Variants in CFAP61 observed in about 807,000 individuals in gnomAD.
CFAP61 encodes cilia- and flagella-associated protein 61.
Under a neutral mutation model 135.6 loss-of-function variants are expected in CFAP61, and 107 were observed. That is an observed-to-expected ratio of 0.79 (90% CI 0.67 to 0.93). CFAP61 has a LOEUF of 0.93. CFAP61 is among the 40% of genes least tolerant of loss of function. The pLI is 0.00. For missense variants in CFAP61, 1,507 were observed against 1,556.2 expected (o/e 0.97, Z 0.53); for synonymous variants, 575 against 578.5 (o/e 0.99, Z 0.09).
intron 25 of CFAP61, among the ~76,000 whole-genome samples, chr20:20,320,135 G>A (rs2057367980): frequency 6.6e-6 from 1 of 151,194 alleles, no homozygotes; most frequent in African/African-American, 2.4e-5. Context: ...TTGCAATGGA[G>A]GGGGGCCTAT....
chr20:20,062,983 C>T (rs1244632366), intron 2 of CFAP61, among the ~76,000 whole-genome samples: 1 of 152,054 alleles, frequency 6.6e-6, no homozygotes, highest in East Asian at 1.9e-4. Flanking sequence ...GGATTGGGGA[C>T]CTGTATAAAA....
chr20:20,197,207 C>T (rs2056350078), intron 16 of CFAP61, among the ~76,000 whole-genome samples: 1 of 152,142 alleles, frequency 6.6e-6, no homozygotes, highest in African/African-American at 2.4e-5. Context: ...TCCCAGCATT[C>T]CAAATAAGCA....
intron 17 of CFAP61, among the ~76,000 whole-genome samples, chr20:20,203,630 A>G (rs1472190053): frequency 6.6e-6 from 1 of 152,184 alleles, no homozygotes; most frequent in Non-Finnish European, 1.5e-5. Flanking sequence ...GAGTATTATG[A>G]TCAGGAAAAC....
At chr20:20,291,141 T>C (rs187046527) in intron 24 of CFAP61, among the ~76,000 whole-genome samples, 1 of 152,214 alleles carries the variant, frequency 6.6e-6, no homozygotes, top group African/African-American at 2.4e-5. Flanking sequence ...TTCTTACAAT[T>C]AATAAACCTA....
At chr20:20,067,978 A>G (rs1435221320) in intron 2 of CFAP61, among the ~76,000 whole-genome samples, 1 of 152,060 alleles carries the variant, frequency 6.6e-6, no homozygotes, top group Non-Finnish European at 1.5e-5. Context: ...GCATTTTCCC[A>G]TTGAAACAAA....
intron 18 of CFAP61, among the ~76,000 whole-genome samples, chr20:20,240,089 C>A (rs1396142072): frequency 6.6e-6 from 1 of 152,046 alleles, no homozygotes; most frequent in African/African-American, 2.4e-5. Context: ...TGGGATGAGG[C>A]GACCAAGAGC....
intron 13 of CFAP61, among the ~76,000 whole-genome samples, chr20:20,184,046 A>G (rs1159319455): frequency 6.6e-6 from 1 of 152,244 alleles, no homozygotes; most frequent in African/African-American, 2.4e-5. Context: ...CTTTGCAGGA[A>G]GATAACCCCA....
rs1440817874 is a variant in CFAP61, at chr20:20,214,454, A to G, written c.1933-13795A>G. On this transcript the variant is annotated intron_variant, in intron 17 of 26. Transcript: ENST00000245957. ...GGCCAGGCTCCAAAATTCTCCCTCC[A>G]TGACTTGGAACGAGCAATACGTATG... 3 of 152,270 alleles carry G rather than the reference A, an allele frequency of 2.0e-5. No homozygotes were observed. In the East Asian group the frequency reaches 5.8e-4, roughly 30 times the overall value. 9.4% of individuals were successfully genotyped at this position (152,270 alleles called of 1,614,324 possible).
At chr20:20,089,153 A>AT (rs113444281) in intron 6 of CFAP61, among the ~76,000 whole-genome samples, 7,131 of 152,244 alleles carry the variant, frequency 0.047, 555 homozygotes, top group African/African-American at 0.16. Flanking sequence ...ATAAAGGAAG[A>AT]TTTTGAAGTG....
chr20:20,072,721 C>A (rs2045807739), intron 3 of CFAP61, among the ~76,000 whole-genome samples: 1 of 152,070 alleles, frequency 6.6e-6, no homozygotes, highest in Non-Finnish European at 1.5e-5. Flanking sequence ...ATGTAACTAA[C>A]GAGCGCTTGA....
At position 20,276,722 on chromosome 20, in the gene CFAP61, C is replaced by T. The variant is rs531993234; in HGVS notation, c.2504-444C>T. 2.6e-5 allele frequency among the ~76,000 whole-genome samples: 4 copies of T among 152,304 alleles called. 1 individual carries two copies. In the South Asian group the frequency reaches 8.3e-4, roughly 32 times the overall value. ...AAGGGAAAACTTCCTTGAAATCAAT[C>T]CAGTTCAACATTTAAATATTAAAAT... On this transcript the variant is annotated intron_variant, in intron 21 of 26. Transcript: ENST00000245957.
intron 2 of CFAP61, among the ~76,000 whole-genome samples, chr20:20,062,422 G>C (rs1355923831): frequency 1.3e-5 from 2 of 152,118 alleles, no homozygotes; most frequent in African/African-American, 4.8e-5. Flanking sequence ...TATAACAGAA[G>C]AGAAGAAAGG....
chr20:20,086,803 C>T (rs966625346), intron 6 of CFAP61, among the ~76,000 whole-genome samples: 4 of 152,050 alleles, frequency 2.6e-5, no homozygotes, highest in African/African-American at 7.2e-5. Context: ...ACACCTTGGC[C>T]GTAAGAATTA....
intron 18 of CFAP61, among the ~76,000 whole-genome samples, chr20:20,235,707 A>G (rs1382736600): frequency 6.6e-6 from 1 of 152,188 alleles, no homozygotes; most frequent in Non-Finnish European, 1.5e-5. Flanking sequence ...AATGATGCAC[A>G]AGAGGATTGA....
intron 9 of CFAP61, among the ~76,000 whole-genome samples, chr20:20,156,163 T>C (rs909138255): frequency 5.9e-5 from 9 of 151,918 alleles, no homozygotes; most frequent in Non-Finnish European, 1.2e-4. Context: ...AATATTGAAA[T>C]AAAAAAATTT....
At chr20:20,318,087 C>T (rs1171669072) in intron 25 of CFAP61, among the ~76,000 whole-genome samples, 2 of 152,188 alleles carry the variant, frequency 1.3e-5, no homozygotes, top group African/African-American at 4.8e-5. Flanking sequence ...CCAGGAAGGA[C>T]GTCCCTTCTT....
At chr20:20,129,523 T>C (rs930013244) in intron 8 of CFAP61, among the ~76,000 whole-genome samples, 3 of 151,740 alleles carry the variant, frequency 2.0e-5, no homozygotes, top group African/African-American at 7.3e-5. Context: ...CAGTTTATTA[T>C]ATGCCTTGGG....
At chr20:20,068,314 A>ATG (rs1260613472) in intron 2 of CFAP61, among the ~76,000 whole-genome samples, 37 of 152,366 alleles carry the variant, frequency 2.4e-4, no homozygotes, top group Admixed American at 2.3e-3. Flanking sequence ...ACCATAGGTC[A>ATG]TGACTCTGGG....
intron 13 of CFAP61, among the ~76,000 whole-genome samples, chr20:20,182,787 G>GT (rs202151596): frequency 0.01 from 1,525 of 152,184 alleles, 24 homozygotes; most frequent in African/African-American, 0.035. Context: ...TCCCATTTTT[G>GT]TTTGTTTGTT....
Sources: gnomAD v4.1 joint callset for allele counts (sites outside exome capture counted in the v4.1 genomes callset) on GRCh38, gnomAD v4.1.1 for gene constraint, MANE v1.5 for transcripts, NCBI Gene and HGNC (gene_info 2026-07-23, HGNC 2026-07-21) for gene names.